The following PYHIN1 variants were observed in gnomAD, a reference collection of about 807,000 sequenced individuals.
PYHIN1 encodes the protein pyrin and HIN domain family member 1.
A neutral mutation model predicts 43.7 loss-of-function variants in PYHIN1; 32 were observed. That is an observed-to-expected ratio of 0.73 (90% CI 0.55 to 0.98). PYHIN1 has a LOEUF of 0.98. PYHIN1 is among the 50% of genes least tolerant of loss of function. The probability of loss-of-function intolerance (pLI) is 0.00; values close to 1 mark genes in which losing one functional copy is unlikely to be tolerated. For missense variants in PYHIN1, 588 were observed against 589.5 expected, an observed-to-expected ratio of 1.00 and a Z score of 0.03; for synonymous variants, 205 against 203.1, an observed-to-expected ratio of 1.01 and a Z score of -0.08.
In PYHIN1 at chr1:158,944,124, A is replaced by G. The variant is rs929296986; in HGVS notation, c.1191+146A>G. ...ATAATGCCCTTGCGCTTACATTTAA[A>G]TAGAGAAAATTATTAAAATATATTA... On this transcript the variant is annotated intron_variant, in intron 6 of 8. Coordinates refer to ENST00000368140, the MANE Select transcript of PYHIN1 (RefSeq NM_152501.5). 2.4e-5 allele frequency: 9 copies of G among 373,548 alleles called. No individual in the cohort carries two copies. The East Asian group carries it at 2.9e-4, about 12-fold the overall frequency. The allele number at this position is 373,548 out of a possible 1,614,324, so 23.1% of individuals were successfully genotyped here.
At chr1:158,981,387 C>T (rs905287073), downstream of PYHIN1, among the ~76,000 whole-genome samples, 2 of 152,116 alleles carry the variant, frequency 1.3e-5, no homozygotes, top group African/African-American at 4.8e-5. Context: ...AGGAGAATCG[C>T]TTGAACCTGG....
intron 1 of PYHIN1, among the ~76,000 whole-genome samples, chr1:158,935,230 T>C (rs1648451842): frequency 6.7e-6 from 1 of 148,636 alleles, no homozygotes; most frequent in African/African-American, 2.5e-5. Flanking sequence ...AGCAAAGTCA[T>C]GAAGCATGAA....
rs187035491 is a variant in PYHIN1 at position 158,950,848 on chromosome 1, T to C, written c.1359+5806T>C. Reference sequence around the variant, plus strand: ...GTTGGCTATTCCACATGTGACAAAATTGTTGAAATTGTGAGCTGGCATAAG... The same window carrying C: ...GTTGGCTATTCCACATGTGACAAAACTGTTGAAATTGTGAGCTGGCATAAG... On this transcript the variant is annotated intron_variant, in intron 7 of 8. Coordinates refer to ENST00000368140, the MANE Select transcript of PYHIN1 (RefSeq NM_152501.5). Among the ~76,000 whole-genome samples, 351 of 152,252 alleles carry C rather than the reference T, an allele frequency of 2.3e-3. 1 individual carries two copies. Among genetic ancestry groups the C allele is most frequent in the African/African-American group, 7.8e-3 (325 of 41,556 alleles).
chr1:158,966,008 G>A (rs1478702446), intron 7 of PYHIN1, among the ~76,000 whole-genome samples: 1 of 151,860 alleles, frequency 6.6e-6, no homozygotes, highest in African/African-American at 2.4e-5. Context: ...AAAGAGACAA[G>A]ATCTAAATAA....
chr1:158,939,277 A>T (rs75523954), intron 4 of PYHIN1, 30 bp downstream of exon 4: 23 of 1,581,412 alleles, frequency 1.5e-5, no homozygotes, highest in Non-Finnish European at 1.8e-5. Context: ...CTTTTGATTC[A>T]TTTTCTTCAA....
At chr1:158,978,267 G>A (rs1347499763), downstream of PYHIN1, among the ~76,000 whole-genome samples, 2 of 147,176 alleles carry the variant, frequency 1.4e-5, no homozygotes, top group East Asian at 2.0e-4. Flanking sequence ...GTGTGTGTGT[G>A]TCTATACATA....
chr1:158,942,816 C>T (rs1648998009), intron 5 of PYHIN1, among the ~76,000 whole-genome samples: 1 of 152,052 alleles, frequency 6.6e-6, no homozygotes, highest in Admixed American at 6.6e-5. Flanking sequence ...GGCTTGAGTT[C>T]CAGTTTTGAC....
In PYHIN1 at chr1:158,942,048, G is replaced by A. The variant is rs761920064; in HGVS notation, c.651G>A (p.Ala217=). 1.2e-5 allele frequency: 20 copies of A among 1,613,264 alleles called. No homozygotes were observed. Among genetic ancestry groups the A allele is most frequent in the South Asian group, 9.9e-5 (9 of 90,826 alleles). The change falls in exon 5 of 9, where the codon GCG becomes GCA. Residue 217 remains alanine (A), a synonymous_variant. Coordinates refer to ENST00000368140, the MANE Select transcript of PYHIN1 (RefSeq NM_152501.5). The part of the protein sequence containing the change: ...KNIFREDPII[A]MVLNATKVFK... ...TTTTCCGAGAAGACCCAATAATCGC[G>A]ATGGTACTAAATGCAACAAAAGTAT...
At chr1:158,938,336 T>C in intron 2 of PYHIN1, 61 bp from the exon 3 acceptor site, 1 of 1,570,040 alleles carries the variant, frequency 6.4e-7, no homozygotes, top group South Asian at 1.1e-5. Flanking sequence ...GTATTGAAAC[T>C]GCTTCGGGTG....
At chr1:158,960,001 T>TA (rs1650233889) in intron 7 of PYHIN1, among the ~76,000 whole-genome samples, 1 of 152,230 alleles carries the variant, frequency 6.6e-6, no homozygotes, top group Non-Finnish European at 1.5e-5. Context: ...TCACTATTTT[T>TA]ACATTCATTT....
At chr1:158,984,190 T>A in the PYHIN1 span, among the ~76,000 whole-genome samples, 1 of 151,962 alleles carries the variant, frequency 6.6e-6, no homozygotes, top group Non-Finnish European at 1.5e-5. Flanking sequence ...TCTGCTAGTT[T>A]GGGGGTTGGT....
intron 1 of PYHIN1, among the ~76,000 whole-genome samples, chr1:158,934,196 T>C (rs1291451868): frequency 6.6e-6 from 1 of 152,186 alleles, no homozygotes; most frequent in Non-Finnish European, 1.5e-5. Context: ...TCAGTGTCAT[T>C]ACTACAAAAG....
chr1:158,973,626 T>C (rs758681270), intron 7 of PYHIN1, 21 bp from the exon 8 acceptor site: 5 of 1,611,184 alleles, frequency 3.1e-6, no homozygotes, highest in Non-Finnish European at 4.2e-6. Flanking sequence ...AAGACTAAAT[T>C]ACCCAAATTT....
chr1:158,940,710 C>T (rs1189971139), intron 4 of PYHIN1, among the ~76,000 whole-genome samples: 1 of 152,136 alleles, frequency 6.6e-6, no homozygotes, highest in Non-Finnish European at 1.5e-5. Context: ...TTTTTTCTTA[C>T]ATTTGATTTT....
chr1:158,986,252 A>G, the PYHIN1 span, among the ~76,000 whole-genome samples: 27 of 152,212 alleles, frequency 1.8e-4, no homozygotes, highest in Non-Finnish European at 3.2e-4. Flanking sequence ...TAGTCTTTGC[A>G]GTTGCTGTTC....
chr1:158,952,072 G>A (rs953475951), intron 7 of PYHIN1, among the ~76,000 whole-genome samples: 14 of 150,908 alleles, frequency 9.3e-5, no homozygotes, highest in South Asian at 4.2e-4. Flanking sequence ...TGGTGGCTGC[G>A]TTGCGCTTGC....
At chr1:158,976,085 A>C (rs896638239) in intron 8 of PYHIN1, among the ~76,000 whole-genome samples, 2 of 152,114 alleles carry the variant, frequency 1.3e-5, no homozygotes, top group African/African-American at 4.8e-5. Context: ...CAGAACACAA[A>C]GGTAGCTGTC....
intron 7 of PYHIN1, among the ~76,000 whole-genome samples, chr1:158,964,559 C>T (rs925837777): frequency 6.6e-6 from 1 of 152,132 alleles, no homozygotes; most frequent in Non-Finnish European, 1.5e-5. Context: ...GCCTGACAAG[C>T]CAGAAGAGCT....
chr1:158,932,148 C>T (rs79500700), intron 1 of PYHIN1, among the ~76,000 whole-genome samples: 27 of 152,214 alleles, frequency 1.8e-4, no homozygotes, highest in Admixed American at 7.2e-4. Context: ...TAGTATTCCA[C>T]GCTGTATATG....
Sources: allele counts gnomAD v4.1 joint callset (sites outside exome capture counted in the v4.1 genomes callset), GRCh38; gene constraint gnomAD v4.1.1; transcripts MANE v1.5; gene names NCBI Gene and HGNC (gene_info 2026-07-23, HGNC 2026-07-21).